PCDHGA11: variants seen among roughly 807,000 people sequenced by gnomAD.
PCDHGA11 encodes the protein protocadherin gamma subfamily A, 11.
Under a neutral mutation model 60.4 loss-of-function variants are expected in PCDHGA11, and 39 were observed. The observed-to-expected ratio is 0.65, with a 90% CI of 0.50 to 0.84. PCDHGA11 has a LOEUF of 0.84. Ranked by LOEUF, PCDHGA11 falls within the 40% of genes least tolerant of loss-of-function variation. The probability of loss-of-function intolerance (pLI) is 0.00; values close to 1 mark genes in which losing one functional copy is unlikely to be tolerated. For synonymous variants in PCDHGA11, 533 were observed against 510.3 expected (o/e 1.04, Z -0.60); for missense variants, 1,165 against 1,197.7 (o/e 0.97, Z 0.40).
In PCDHGA11 at chr5:141,490,275, C is replaced by A; in HGVS notation, c.2434-4532C>A. 6.2e-7 allele frequency: 1 copy of A among 1,614,238 alleles called. No individual in the cohort carries two copies. The highest frequency in any genetic ancestry group is 8.5e-7 in the Non-Finnish European group (1 of 1,180,044). On this transcript the variant is annotated intron_variant, in intron 1 of 3. Transcript: ENST00000398587. The surrounding 1 kb of genome is among the most constrained non-coding windows in gnomAD (Gnocchi z 5.4). Reference sequence around the variant, plus strand: ...AAGTGGATGTGGGGGATGTCAATGACAATGCCCCAGAGGTGCTATTGGCCT... The same window carrying A: ...AAGTGGATGTGGGGGATGTCAATGAAAATGCCCCAGAGGTGCTATTGGCCT...
At position 141,485,704 on chromosome 5, in the gene PCDHGA11, CTT is replaced by C; in HGVS notation, c.2434-9101_2434-9100del. On this transcript the variant is annotated intron_variant, in intron 1 of 3. Coordinates refer to ENST00000398587, the MANE Select transcript of PCDHGA11 (RefSeq NM_018914.3). The surrounding 1 kb of genome is among the most constrained non-coding windows in gnomAD (Gnocchi z 5.7). ...GCTATAGGCTGAGCTCCAATGAACA[CTT>C]TGCACTGGATGTGAAGAAGCGCAGC... is the stretch of plus-strand genomic sequence containing the variant. 6.2e-7 allele frequency: 1 copy of C among 1,614,180 alleles called. No homozygotes were observed. The highest frequency in any genetic ancestry group is 8.5e-7 in the Non-Finnish European group (1 of 1,180,032).
chr5:141,430,090 G>T (rs2097260736), intron 1 of PCDHGA11, among the ~76,000 whole-genome samples: 1 of 152,096 alleles, frequency 6.6e-6, no homozygotes, highest in Non-Finnish European at 1.5e-5. Context: ...ATGAAAATTT[G>T]ATTTTTAAGC....
Position 141,486,690 on chromosome 5 carries a change from C to G in PCDHGA11, c.2434-8117C>G. ...AGGAATCGAGATGTATCAGCTTCCTCTTTCATCTCTCTGAACCCCCAGACA... is the reference window on the plus strand; with the variant it reads ...AGGAATCGAGATGTATCAGCTTCCTGTTTCATCTCTCTGAACCCCCAGACA... On this transcript the variant is annotated intron_variant, in intron 1 of 3. Coordinates refer to ENST00000398587, the MANE Select transcript of PCDHGA11 (RefSeq NM_018914.3). The surrounding 1 kb of genome is among the most constrained non-coding windows in gnomAD (Gnocchi z 5.0). 3 of 1,614,144 alleles carry G rather than the reference C, an allele frequency of 1.9e-6. No individual in the cohort carries two copies. The highest frequency in any genetic ancestry group is 2.5e-6 in the Non-Finnish European group (3 of 1,180,036).
At chr5:141,428,129 C>G (rs1449809875) in intron 1 of PCDHGA11, 1 of 1,603,218 alleles carries the variant, frequency 6.2e-7, no homozygotes, top group Non-Finnish European at 8.5e-7. Context: ...CCGGGCTTTT[C>G]AGCCTGGGGC....
intron 1 of PCDHGA11, among the ~76,000 whole-genome samples, chr5:141,449,869 T>G (rs1003364964): frequency 6.6e-6 from 1 of 151,924 alleles, no homozygotes; most frequent in African/African-American, 2.4e-5. Flanking sequence ...ATCAGAAAAT[T>G]TAACATCAAT....
Position 141,491,968 on chromosome 5 carries a change from G to GC in PCDHGA11, c.2434-2837dup. On this transcript the variant is annotated intron_variant, in intron 1 of 3. Coordinates refer to ENST00000398587, the MANE Select transcript of PCDHGA11 (RefSeq NM_018914.3). The surrounding 1 kb of genome is among the most constrained non-coding windows in gnomAD (Gnocchi z 6.9). ...ACCCCTACACTCAAAAAAGGCCGGG[G>GC]CCTCCTTCGAGCTTCCGGTGAATTT... 1.1e-6 allele frequency: 1 copy of GC among 923,644 alleles called. No homozygotes were observed. Among genetic ancestry groups the GC allele is most frequent in the Admixed American group, 3.6e-5 (1 of 27,548 alleles). 57.2% of individuals were successfully genotyped at this position (923,644 alleles called of 1,614,324 possible).
chr5:141,502,084 G>A (rs1438350526), intron 2 of PCDHGA11, among the ~76,000 whole-genome samples: 1 of 152,154 alleles, frequency 6.6e-6, no homozygotes, highest in African/African-American at 2.4e-5. Context: ...CTGGGGCTGA[G>A]AACACCTGGC....
chr5:141,421,478 G>C lies in PCDHGA11; in HGVS notation c.251G>C (p.Ser84Thr). The C allele has an allele frequency of 6.2e-7, 1 of 1,614,130 alleles. No homozygotes were observed. The change falls in exon 1 of 4, where the codon AGC becomes ACC. Residue 84 changes from serine (S) to threonine (T), a missense_variant. Physicochemically the swap from Ser to Thr is moderately conservative, Grantham distance 58 (BLOSUM62 1). Coordinates refer to ENST00000398587, the MANE Select transcript of PCDHGA11 (RefSeq NM_018914.3). ...QLFAVNPRSG[S>T]LITAGRIDRE... ...TTCGCTGTGAATCCGCGAAGCGGCAGCTTGATCACGGCAGGCAGGATAGAC... is the reference window on the plus strand; with the variant it reads ...TTCGCTGTGAATCCGCGAAGCGGCACCTTGATCACGGCAGGCAGGATAGAC...
rs191165530 is a variant in PCDHGA11 at position 141,439,134 on chromosome 5, A to T, written c.2433+15474A>T. On this transcript the variant is annotated intron_variant, in intron 1 of 3. Coordinates refer to ENST00000398587, the MANE Select transcript of PCDHGA11 (RefSeq NM_018914.3). The stretch of plus-strand genomic sequence containing the variant: ...CTTGAACCCGGGAGACAGAGGTTGC[A>T]GTGAGCTGAGATCACGCCACTGCAC... Among the ~76,000 whole-genome samples the T allele has an allele frequency of 2.4e-3, 368 of 151,344 alleles. 1 individual carries two copies. Among genetic ancestry groups the T allele is most frequent in the African/African-American group, 8.5e-3 (349 of 41,216 alleles).
intron 1 of PCDHGA11, among the ~76,000 whole-genome samples, chr5:141,448,855 G>A (rs2098611434): frequency 6.6e-6 from 1 of 152,172 alleles, no homozygotes. Context: ...TGAGGCAGGA[G>A]AATGGCGTGA....
rs1315225126 is a variant in PCDHGA11 at position 141,487,926 on chromosome 5, A to G, written c.2434-6881A>G. The G allele has an allele frequency of 2.2e-5, 14 of 626,676 alleles. No individual in the cohort carries two copies. Among genetic ancestry groups the G allele is most frequent in the Non-Finnish European group, 3.9e-5 (14 of 359,988 alleles). The allele number at this position is 626,676 out of a possible 1,614,324, so 38.8% of individuals were successfully genotyped here. ...GTGGGAGCACAGGAGGCTACAGTGC[A>G]CAGGGTACAGTGCACCAGGCAGTCA... On this transcript the variant is annotated intron_variant, in intron 1 of 3. Coordinates refer to ENST00000398587, the MANE Select transcript of PCDHGA11 (RefSeq NM_018914.3). The surrounding 1 kb of genome is among the most constrained non-coding windows in gnomAD (Gnocchi z 5.0).
chr5:141,426,960 A>G, intron 1 of PCDHGA11: 1 of 456,776 alleles, frequency 2.2e-6, no homozygotes, highest in South Asian at 1.5e-5. Context: ...CACTGCTGCA[A>G]TTCAAATTGA....
chr5:141,489,990 A>G lies in PCDHGA11; in HGVS notation c.2434-4817A>G. ...TCCAATCCTCAGTTCTACGTGTGGG[A>G]ATCCCAGAGAATGCACCCATTGGTA... is the stretch of plus-strand genomic sequence containing the variant. On this transcript the variant is annotated intron_variant, in intron 1 of 3. Transcript: ENST00000398587. This position sits in a 1 kb window ranked among gnomAD's most constrained non-coding sequence, Gnocchi z 4.5. 6.2e-7 allele frequency: 1 copy of G among 1,614,256 alleles called. No individual in the cohort carries two copies. Among genetic ancestry groups the G allele is most frequent in the Non-Finnish European group, 8.5e-7 (1 of 1,180,030 alleles).
At chr5:141,449,796 A>G (rs1358409274) in intron 1 of PCDHGA11, among the ~76,000 whole-genome samples, 2 of 151,590 alleles carry the variant, frequency 1.3e-5, no homozygotes, top group Admixed American at 6.6e-5. Context: ...TTATTCCTAA[A>G]TACCTCATTG....
rs979093310 is a variant in PCDHGA11 at position 141,486,621 on chromosome 5, A to G, written c.2434-8186A>G. On this transcript the variant is annotated intron_variant, in intron 1 of 3. Transcript: ENST00000398587. This position sits in a 1 kb window ranked among gnomAD's most constrained non-coding sequence, Gnocchi z 5.0. The stretch of plus-strand genomic sequence containing the variant: ...TGCTCCCTTGCAGCCTCTGACCCAG[A>G]CTCTGGCTTGAATGCGCTTATCTCC... 6.2e-7 allele frequency: 1 copy of G among 1,613,388 alleles called. No individual in the cohort carries two copies. The highest frequency in any genetic ancestry group is 1.3e-5 in the African/African-American group (1 of 74,960).
In PCDHGA11 at chr5:141,491,928, G is replaced by T; in HGVS notation, c.2434-2879G>T. 1 of 1,301,482 alleles carries T rather than the reference G, an allele frequency of 7.7e-7. No homozygotes were observed. Among genetic ancestry groups the T allele is most frequent in the South Asian group, 1.6e-5 (1 of 63,466 alleles). 80.6% of individuals were successfully genotyped at this position (1,301,482 alleles called of 1,614,324 possible). A position where few individuals can be genotyped will look rare whatever the true frequency, so the allele number is the denominator to read the frequency against. On this transcript the variant is annotated intron_variant, in intron 1 of 3. Coordinates refer to ENST00000398587, the MANE Select transcript of PCDHGA11 (RefSeq NM_018914.3). The surrounding 1 kb of genome is among the most constrained non-coding windows in gnomAD (Gnocchi z 6.9). ...TGGTGGCGACTGTGGGCGAGGGGAG[G>T]TGGGACCGACCCCCACCCCTACACT... is the stretch of plus-strand genomic sequence containing the variant.
At chr5:141,463,553 A>G (rs1163004575) in intron 1 of PCDHGA11, among the ~76,000 whole-genome samples, 3 of 140,962 alleles carry the variant, frequency 2.1e-5, no homozygotes, top group Non-Finnish European at 4.5e-5. Context: ...GGTTCATGCC[A>G]TTCTCCTGCC....
At chr5:141,435,390 C>T (rs2097760754) in intron 1 of PCDHGA11, among the ~76,000 whole-genome samples, 1 of 152,052 alleles carries the variant, frequency 6.6e-6, no homozygotes, top group Non-Finnish European at 1.5e-5. Flanking sequence ...ACCGTATTGC[C>T]ATGACGAAAA....
intron 1 of PCDHGA11, among the ~76,000 whole-genome samples, chr5:141,460,983 GTA>G (rs59296681): frequency 1.2e-4 from 16 of 137,836 alleles, no homozygotes; most frequent in East Asian, 2.1e-4. Context: ...GTGTGTGTGT[GTA>G]TATATATATA....
Sources: gnomAD v4.1 joint callset for allele counts (sites outside exome capture counted in the v4.1 genomes callset) on GRCh38, gnomAD v4.1.1 for gene constraint, Gnocchi (gnomAD v3.1) non-coding constraint, MANE v1.5 for transcripts, NCBI Gene and HGNC (gene_info 2026-07-23, HGNC 2026-07-21) for gene names.